The following APBB2 variants were observed in gnomAD, a reference collection of about 807,000 sequenced individuals.
The protein encoded by APBB2 is amyloid beta precursor protein binding family B member 2.
A neutral mutation model predicts 82.5 loss-of-function variants in APBB2; 38 were observed. That is an observed-to-expected ratio of 0.46 (90% CI 0.36 to 0.60). The LOEUF is 0.60. APBB2 is among the 20% of genes least tolerant of loss of function. APBB2 has a pLI of 0.00. For synonymous variants in APBB2, 341 were observed against 368.2 expected (o/e 0.93, Z 0.85); for missense variants, 772 against 972.3 (o/e 0.79, Z 2.74).
At chr4:41,017,961 G>C (rs912175251) in intron 5 of APBB2, among the ~76,000 whole-genome samples, 1 of 152,050 alleles carries the variant, frequency 6.6e-6, no homozygotes, top group African/African-American at 2.4e-5. Flanking sequence ...GAATCAAAAG[G>C]CCTAAGAAAT....
intron 1 of APBB2, among the ~76,000 whole-genome samples, chr4:41,167,733 GTGACCAGCTGTGAGCTGAT>G (rs1341925704): frequency 1.3e-5 from 2 of 152,204 alleles, no homozygotes; most frequent in Non-Finnish European, 2.9e-5. Flanking sequence ...TCTGGTCTCA[GTGACCAGCTGTGAGCTGAT>G]CCTAGTATGA....
At chr4:41,153,039 G>A (rs185358648) in intron 1 of APBB2, among the ~76,000 whole-genome samples, 1 of 152,270 alleles carries the variant, frequency 6.6e-6, no homozygotes, top group East Asian at 1.9e-4. Context: ...CAAAAATTAT[G>A]AGCATTTTCC....
At chr4:40,885,338 G>A (rs1301125361) in intron 12 of APBB2, among the ~76,000 whole-genome samples, 2 of 152,320 alleles carry the variant, frequency 1.3e-5, no homozygotes, top group African/African-American at 4.8e-5. Flanking sequence ...ATTAAGCGGG[G>A]AAGGGAATGA....
chr4:41,025,384 G>A (rs2154435323), intron 5 of APBB2, among the ~76,000 whole-genome samples: 1 of 152,114 alleles, frequency 6.6e-6, no homozygotes, highest in Non-Finnish European at 1.5e-5. Context: ...GCGGAGAAAA[G>A]GGAACACTTA....
intron 12 of APBB2, among the ~76,000 whole-genome samples, chr4:40,885,974 A>C (rs16852584): frequency 0.069 from 10,462 of 152,098 alleles, 429 homozygotes; most frequent in Middle Eastern, 0.11. Context: ...TTAATCACTG[A>C]TAGGGAAGCC....
chr4:40,908,944 G>T (rs565050008), intron 10 of APBB2, among the ~76,000 whole-genome samples: 1 of 152,166 alleles, frequency 6.6e-6, no homozygotes, highest in South Asian at 2.1e-4. Flanking sequence ...CCAGGGAACC[G>T]ACTAACTGCC....
At chr4:40,972,415 G>A (rs376079326) in intron 6 of APBB2, among the ~76,000 whole-genome samples, 44 of 102,184 alleles carry the variant, frequency 4.3e-4, no homozygotes, top group South Asian at 6.9e-4. Flanking sequence ...GTGACAGAGC[G>A]AGACTCCATC....
At chr4:40,949,459 C>T (rs867633654) in intron 6 of APBB2, among the ~76,000 whole-genome samples, 5 of 152,174 alleles carry the variant, frequency 3.3e-5, no homozygotes, top group Middle Eastern at 6.8e-3. Flanking sequence ...AAAACCATAG[C>T]TAAGCCAAGA....
intron 12 of APBB2, chr4:40,879,872 A>G (rs1405433881): frequency 3.5e-6 from 1 of 289,752 alleles, no homozygotes; most frequent in Non-Finnish European, 5.1e-6. Flanking sequence ...TTGTATTTTT[A>G]GTAGAGACAG....
intron 12 of APBB2, chr4:40,857,046 G>A (rs1015301600): frequency 1.0e-6 from 1 of 985,554 alleles, no homozygotes; most frequent in African/African-American, 1.7e-5. Context: ...CGGTCCTTCC[G>A]AAGTCGGGCG....
chr4:40,929,921 C>A (rs1016429160), intron 10 of APBB2, among the ~76,000 whole-genome samples: 8 of 152,140 alleles, frequency 5.3e-5, no homozygotes, highest in African/African-American at 1.9e-4. Context: ...AAAACTCCTC[C>A]TATGGATACT....
At chr4:40,969,385 A>G (rs1795415669) in intron 6 of APBB2, among the ~76,000 whole-genome samples, 1 of 152,228 alleles carries the variant, frequency 6.6e-6, no homozygotes, top group African/African-American at 2.4e-5. Flanking sequence ...TACCACATTC[A>G]TGAGTTTAGA....
chr4:40,959,748 T>G (rs1007088693), intron 6 of APBB2, among the ~76,000 whole-genome samples: 3 of 152,210 alleles, frequency 2.0e-5, no homozygotes, highest in Non-Finnish European at 4.4e-5. Context: ...GAATATTATA[T>G]TATACATATG....
chr4:40,953,171 AC>A (rs1790669803), intron 6 of APBB2, among the ~76,000 whole-genome samples: 1 of 151,594 alleles, frequency 6.6e-6, no homozygotes, highest in African/African-American at 2.4e-5. Flanking sequence ...GGTGGTGGGC[AC>A]CTGTAATCCC....
At chr4:41,067,971 T>C (rs1732522297) in intron 3 of APBB2, among the ~76,000 whole-genome samples, 3 of 152,118 alleles carry the variant, frequency 2.0e-5, no homozygotes, top group Admixed American at 1.3e-4. Context: ...GAGGTAAAGA[T>C]GGCCTGAGAT....
At chr4:40,939,363 A>G (rs1786238515) in intron 7 of APBB2, among the ~76,000 whole-genome samples, 1 of 152,164 alleles carries the variant, frequency 6.6e-6, no homozygotes, top group East Asian at 1.9e-4. Flanking sequence ...AGCTCTTAGC[A>G]CAGGGACTGG....
chr4:41,025,264 C>G (rs1405150041), intron 5 of APBB2, among the ~76,000 whole-genome samples: 1 of 151,822 alleles, frequency 6.6e-6, no homozygotes, highest in Non-Finnish European at 1.5e-5. Flanking sequence ...TACATTTGGC[C>G]AAGAAGCATA....
At chr4:40,907,456 C>T (rs1481664171) in intron 10 of APBB2, among the ~76,000 whole-genome samples, 4 of 146,660 alleles carry the variant, frequency 2.7e-5, no homozygotes, top group African/African-American at 7.6e-5. Flanking sequence ...CTACAACCTC[C>T]GCCTCCTGAG....
chr4:41,183,543 AG>A (rs1482936771), intron 1 of APBB2, among the ~76,000 whole-genome samples: 1 of 152,212 alleles, frequency 6.6e-6, no homozygotes, highest in Non-Finnish European at 1.5e-5. Context: ...TTGGACACAG[AG>A]ACACATACAT....
Sources: allele counts gnomAD v4.1 joint callset (sites outside exome capture counted in the v4.1 genomes callset), GRCh38; gene constraint gnomAD v4.1.1; transcripts MANE v1.5; gene names NCBI Gene and HGNC (gene_info 2026-07-23, HGNC 2026-07-21).